Variants in BRF1 observed in about 807,000 individuals in gnomAD.
BRF1 encodes transcription factor IIIB 90 kDa subunit.
In BRF1, 59 loss-of-function variants were observed where a neutral mutation model predicts 81.7. The observed-to-expected ratio is 0.72, with a 90% CI of 0.59 to 0.90. The LOEUF (loss-of-function observed/expected upper bound fraction) is 0.90, where lower values mean the gene tolerates loss of function less well. BRF1 is among the 40% of genes least tolerant of loss of function. The pLI, the probability that BRF1 is intolerant of heterozygous loss-of-function variation, is 0.00. For synonymous variants in BRF1, 491 were observed against 395.6 expected (o/e 1.24, Z -2.86); for missense variants, 1,050 against 936.3 (o/e 1.12, Z -1.58).
chr14:105,217,939 C>G, intron 14 of BRF1, 139 bp from the exon 15 acceptor site: 1 of 1,367,020 alleles, frequency 7.3e-7, no homozygotes, highest in Non-Finnish European at 9.8e-7. Context: ...GCCTCCTCCC[C>G]CCAGAATGTG....
chr14:105,249,916 C>G (rs1275061152), intron 5 of BRF1: 1 of 1,611,396 alleles, frequency 6.2e-7, no homozygotes, highest in Non-Finnish European at 8.5e-7. Flanking sequence ...CGCTGGAGAT[C>G]ATTGTCACTC....
intron 15 of BRF1, among the ~76,000 whole-genome samples, chr14:105,215,852 GCACA>G (rs756067845): frequency 4.1e-5 from 4 of 97,528 alleles, no homozygotes; most frequent in Non-Finnish European, 4.2e-5. Flanking sequence ...ACAGACACAG[GCACA>G]CACACACATG....
In BRF1 at chr14:105,210,732, T is replaced by C; in HGVS notation, c.1997-144A>G. On this transcript the variant is annotated intron_variant, in intron 17 of 17. Coordinates refer to ENST00000547530, the MANE Select transcript of BRF1 (RefSeq NM_001519.4). The surrounding 1 kb of genome is among the most constrained non-coding windows in gnomAD (Gnocchi z 4.7). ...GCCCCCCGCGCCCCGCCAGGAGCCA[T>C]CTTGGGCTCCTCTCCACCTCCCGGG... is the stretch of plus-strand genomic sequence containing the variant. The C allele has an allele frequency of 1.1e-6, 1 of 873,256 alleles. No homozygotes were observed. Among genetic ancestry groups the C allele is most frequent in the Non-Finnish European group, 1.7e-6 (1 of 580,166 alleles). 54.1% of individuals were successfully genotyped at this position (873,256 alleles called of 1,614,324 possible).
At position 105,219,279 on chromosome 14, in the gene BRF1, C is replaced by T. The variant is rs375077455; in HGVS notation, c.1378-47G>A. ...GGGCTGGCTTTTAGCCTTCGCACAC[C>T]GGGGCATGCTAAGGTCGCGCTGGCC... On this transcript the variant is annotated intron_variant, in intron 12 of 17. Transcript: ENST00000547530. The T allele has an allele frequency of 8.6e-5, 138 of 1,602,172 alleles. 1 individual carries two copies. Among genetic ancestry groups the T allele is most frequent in the Middle Eastern group, 1.7e-4 (1 of 6,024 alleles).
chr14:105,312,544 T>C (rs1156522736), intron 1 of BRF1, among the ~76,000 whole-genome samples: 3 of 152,002 alleles, frequency 2.0e-5, no homozygotes, highest in Non-Finnish European at 2.9e-5. Flanking sequence ...GCACCTGTGC[T>C]CCAAACACGG....
intron 3 of BRF1, among the ~76,000 whole-genome samples, chr14:105,265,900 CAA>C (rs34375627): frequency 1.3e-4 from 10 of 75,668 alleles, no homozygotes; most frequent in Non-Finnish European, 1.7e-4. Context: ...GACTCCCTCT[CAA>C]AAAAAAAAAA....
chr14:105,278,662 T>C (rs972213006), intron 2 of BRF1, among the ~76,000 whole-genome samples: 8 of 151,958 alleles, frequency 5.3e-5, no homozygotes, highest in Non-Finnish European at 1.0e-4. Context: ...TCCCAGCACT[T>C]TGGGAGGCTG....
chr14:105,213,077 C>G (rs1360914177), intron 15 of BRF1: 1 of 152,362 alleles, frequency 6.6e-6, no homozygotes, highest in Non-Finnish European at 1.5e-5. Context: ...ATCCTCAGGC[C>G]AGGCCTCCAG....
chr14:105,300,575 C>T lies in BRF1; in HGVS notation c.55G>A (p.Ala19Thr). ...GCGGTGCACACCGCGTCCCCGCGCGCCGCGTCCAGCTCGATGTCCGTGCCG... is the reference window on the plus strand; with the variant it reads ...GCGGTGCACACCGCGTCCCCGCGCGTCGCGTCCAGCTCGATGTCCGTGCCG... ...CGGTDIELDAARGDAVCTACG... is the reference protein window; with the variant it reads ...CGGTDIELDATRGDAVCTACG... The change falls in exon 1 of 18, where the codon GCG (alanine) becomes ACG (threonine). Residue 19 changes from alanine (A) to threonine (T), a missense_variant. Ala to Thr is a moderately conservative substitution (Grantham distance 58, BLOSUM62 0). Coordinates refer to ENST00000547530, the MANE Select transcript of BRF1 (RefSeq NM_001519.4). 1 of 1,490,762 alleles carries T rather than the reference C, an allele frequency of 6.7e-7. No homozygotes were observed. Among genetic ancestry groups the T allele is most frequent in the Non-Finnish European group, 8.9e-7 (1 of 1,124,128 alleles). The allele number at this position is 1,490,762 out of a possible 1,614,324, so 92.3% of individuals were successfully genotyped here. A position where few individuals can be genotyped will look rare whatever the true frequency, so the allele number is the denominator to read the frequency against.
At chr14:105,263,299 G>C (rs1268849910) in intron 3 of BRF1, among the ~76,000 whole-genome samples, 1 of 151,120 alleles carries the variant, frequency 6.6e-6, no homozygotes, top group Non-Finnish European at 1.5e-5. Context: ...AGGGAAGATA[G>C]AGTTTACAGT....
rs867479425 is a variant in BRF1 at position 105,217,792 on chromosome 14, C to T, written c.1524G>A (p.Lys508=). 3.1e-6 allele frequency: 5 copies of T among 1,611,118 alleles called. No homozygotes were observed. The African/African-American group carries it at 5.3e-5, about 17-fold the overall frequency. The change falls in exon 15 of 18, where the codon AAG becomes AAA. Residue 508 remains lysine, a synonymous_variant. Transcript: ENST00000547530. Reference sequence around the variant, plus strand: ...GAATTGGCTCCCGTCGCTTGCAAGACTTCTTGGGCTTGAGGGAAACAAGCA... The same window carrying T: ...GAATTGGCTCCCGTCGCTTGCAAGATTTCTTGGGCTTGAGGGAAACAAGCA... ...LGIYKEHKPK[K]SCKRREPIQA...
chr14:105,227,438 A>G (rs1893302281), intron 7 of BRF1: 1 of 152,458 alleles, frequency 6.6e-6, no homozygotes, highest in African/African-American at 2.4e-5. Context: ...TGAATAAATA[A>G]CAATAAAAAC....
At position 105,228,822 on chromosome 14, in the gene BRF1, C is replaced by A; in HGVS notation, c.786G>T (p.Lys262Asn). Reference sequence around the variant, plus strand: ...TGCCATGAATGAGAGCCCCTCACCTCTTCCGCAGCGTGGACTCACACACTT... The same window carrying A: ...TGCCATGAATGAGAGCCCCTCACCTATTCCGCAGCGTGGACTCACACACTT... Reference protein sequence around the residue: ...VVKVCESTLRKRLTEFEDTPT... With the variant: ...VVKVCESTLRNRLTEFEDTPT... Residue 262 changes from lysine (K) to asparagine (N), a missense_variant and splice_region_variant, in exon 7 of 18, where the codon AAG becomes AAT. Physicochemically the swap from Lys to Asn is moderately conservative, Grantham distance 94. Coordinates refer to ENST00000547530, the MANE Select transcript of BRF1 (RefSeq NM_001519.4). 2 of 1,613,902 alleles carry A rather than the reference C, an allele frequency of 1.2e-6. No homozygotes were observed. Among genetic ancestry groups the A allele is most frequent in the Non-Finnish European group, 1.7e-6 (2 of 1,180,010 alleles).
Position 105,250,613 on chromosome 14 carries a change from A to G in BRF1, c.544+1894T>C, listed in dbSNP as rs866652129. Reference sequence around the variant, plus strand: ...CTTCCAGTTCCAGTGCTCCTCGGACAGCACCAACGGGACTGGGGTCCAGGG... The same window carrying G: ...CTTCCAGTTCCAGTGCTCCTCGGACGGCACCAACGGGACTGGGGTCCAGGG... On this transcript the variant is annotated intron_variant, in intron 5 of 17. Transcript: ENST00000547530. 3 of 1,614,000 alleles carry G rather than the reference A, an allele frequency of 1.9e-6. No individual in the cohort carries two copies. Among genetic ancestry groups the G allele is most frequent in the Admixed American group, 1.7e-5 (1 of 60,020 alleles).
intron 6 of BRF1, 119 bp from the exon 7 acceptor site, chr14:105,229,032 C>G (rs959827271): frequency 5.6e-6 from 5 of 891,964 alleles, no homozygotes; most frequent in Non-Finnish European, 9.1e-6. Context: ...GAAGACGTGT[C>G]TGTGCCAGGC....
rs1010935008 is a variant in BRF1 at position 105,209,658 on chromosome 14, G to A, written c.*893C>T. The A allele has an allele frequency of 1.5e-6, 1 of 678,930 alleles. No homozygotes were observed. The highest frequency in any genetic ancestry group is 1.6e-5 in the South Asian group (1 of 64,442). 42.1% of individuals were successfully genotyped at this position (678,930 alleles called of 1,614,324 possible). On this transcript the variant is annotated 3_prime_UTR_variant, in exon 18 of 18. Coordinates refer to ENST00000547530, the MANE Select transcript of BRF1 (RefSeq NM_001519.4). ...GTCTGCCCTCCCTCCTCGATGGGGG[G>A]CCTGATCCAGCTCTGACAGGGAGCG...
chr14:105,221,180 G>T (rs1412516563), intron 11 of BRF1, among the ~76,000 whole-genome samples: 4 of 152,254 alleles, frequency 2.6e-5, no homozygotes, highest in African/African-American at 9.6e-5. Flanking sequence ...TTCTCCTAGA[G>T]CTCCCAGCCA....
intron 3 of BRF1, among the ~76,000 whole-genome samples, chr14:105,259,500 C>G (rs2056047619): frequency 6.6e-6 from 1 of 152,224 alleles, no homozygotes; most frequent in African/African-American, 2.4e-5. Context: ...TTCATAGCAG[C>G]TTCATTCAGA....
Position 105,256,425 on chromosome 14 carries a change from G to A in BRF1, c.471+93C>T, listed in dbSNP as rs772019848. ...CACAGACCGGCCACTGAGATGCGTG[G>A]AGGCACCTGGGGTACACCCCGGTCA... is the stretch of plus-strand genomic sequence containing the variant. On this transcript the variant is annotated intron_variant, in intron 4 of 17. Coordinates refer to ENST00000547530, the MANE Select transcript of BRF1 (RefSeq NM_001519.4). The A allele has an allele frequency of 2.5e-6, 4 of 1,613,390 alleles. No individual in the cohort carries two copies. The African/African-American group carries it at 4.0e-5, about 16-fold the overall frequency.
Sources: gnomAD v4.1 joint callset for allele counts (sites outside exome capture counted in the v4.1 genomes callset) on GRCh38, gnomAD v4.1.1 for gene constraint, Gnocchi (gnomAD v3.1) non-coding constraint, MANE v1.5 for transcripts, NCBI Gene and HGNC (gene_info 2026-07-23, HGNC 2026-07-21) for gene names.